C10orf90: variants seen among roughly 807,000 people sequenced by gnomAD.
The protein encoded by C10orf90 is chromosome 10 open reading frame 90, also known as (E2-independent) E3 ubiquitin-conjugating enzyme FATS.
Under a neutral mutation model 62.5 loss-of-function variants are expected in C10orf90, and 56 were observed. That is an observed-to-expected ratio of 0.90 (90% CI 0.72 to 1.12). The LOEUF is 1.12. Ranked by LOEUF, C10orf90 falls within the 50% of genes most tolerant of loss-of-function variation. The pLI, the probability that C10orf90 is intolerant of heterozygous loss-of-function variation, is 0.00. For missense variants in C10orf90, 970 were observed against 880.4 expected, an observed-to-expected ratio of 1.10 and a Z score of -1.29; for synonymous variants, 386 against 340.4, an observed-to-expected ratio of 1.13 and a Z score of -1.47.
chr10:126,546,641 A>G (rs1864498309), intron 2 of C10orf90, among the ~76,000 whole-genome samples: 1 of 152,230 alleles, frequency 6.6e-6, no homozygotes, highest in Admixed American at 6.5e-5. Context: ...CTCACTGCCC[A>G]GCAGCAATGA....
chr10:126,568,537 A>G (rs1438987452), intron 2 of C10orf90, among the ~76,000 whole-genome samples: 1 of 152,186 alleles, frequency 6.6e-6, no homozygotes, highest in Non-Finnish European at 1.5e-5. Flanking sequence ...GTTTAGTCAG[A>G]CACACCCTGA....
intron 2 of C10orf90, among the ~76,000 whole-genome samples, chr10:126,580,512 G>A (rs1487103181): frequency 6.6e-6 from 1 of 152,036 alleles, no homozygotes; most frequent in African/African-American, 2.4e-5. Context: ...AATCAGCCAG[G>A]CGCAGTGGTG....
rs768850163 is a variant in C10orf90, at chr10:126,504,931, T to C, written c.560A>G (p.Asn187Ser). The change falls in exon 4 of 10, where the codon AAC becomes AGC. Residue 187 changes from asparagine (N) to serine (S), a missense_variant. By Grantham distance (46) the Asn-to-Ser change is conservative (BLOSUM62 1). Coordinates refer to ENST00000488181, the MANE Select transcript of C10orf90 (RefSeq NM_001350921.2). The surrounding 1 kb of genome is among the most constrained non-coding windows in gnomAD (Gnocchi z 4.1). ...TCTGTGAATGTTGACTCCGCTGCGG[T>C]TAGCCAGAGATTGCTTGGCGTGATG... ...RAHHAKQSLA[N>S]RSGVNIHRAF... The C allele has an allele frequency of 6.2e-7, 1 of 1,614,220 alleles. No individual in the cohort carries two copies. The highest frequency in any genetic ancestry group is 8.5e-7 in the Non-Finnish European group (1 of 1,180,044).
At chr10:126,591,936 C>T (rs1564884863) in intron 2 of C10orf90, among the ~76,000 whole-genome samples, 1 of 152,032 alleles carries the variant, frequency 6.6e-6, no homozygotes, top group Non-Finnish European at 1.5e-5. Flanking sequence ...CATGAATGAA[C>T]TCCCATTCAC....
intron 3 of C10orf90, 48 bp downstream of exon 3, chr10:126,513,800 G>T: frequency 8.4e-7 from 1 of 1,185,886 alleles, no homozygotes; most frequent in Non-Finnish European, 1.3e-6. Flanking sequence ...ATATTTTATA[G>T]ATGGGTGCAT....
intron 4 of C10orf90, among the ~76,000 whole-genome samples, chr10:126,490,929 T>C (rs1861734275): frequency 6.6e-6 from 1 of 152,004 alleles, no homozygotes; most frequent in Admixed American, 6.6e-5. Context: ...ACATAGAAAA[T>C]CCTAAGGAAT....
intron 2 of C10orf90, among the ~76,000 whole-genome samples, chr10:126,642,193 A>C (rs558399708): frequency 6.6e-6 from 1 of 152,322 alleles, no homozygotes; most frequent in Non-Finnish European, 1.5e-5. Context: ...TCCAAAGATG[A>C]ATCGCTAATT....
At chr10:126,549,042 A>C (rs2133975417) in intron 2 of C10orf90, among the ~76,000 whole-genome samples, 1 of 152,342 alleles carries the variant, frequency 6.6e-6, no homozygotes, top group African/African-American at 2.4e-5. Flanking sequence ...CTTGAATGTA[A>C]AACTATAAAT....
intron 4 of C10orf90, among the ~76,000 whole-genome samples, chr10:126,487,165 A>AAAAG (rs1452030712): frequency 1.4e-5 from 2 of 143,904 alleles, no homozygotes; most frequent in East Asian, 2.0e-4. Context: ...AAAAAAAAAA[A>AAAAG]AAAGAAAGAA....
At chr10:126,630,782 G>A (rs912858333) in intron 2 of C10orf90, among the ~76,000 whole-genome samples, 1 of 152,178 alleles carries the variant, frequency 6.6e-6, no homozygotes, top group Non-Finnish European at 1.5e-5. Flanking sequence ...TTAAGAGGAT[G>A]AAGTGAAATG....
At chr10:126,469,122 G>A (rs375747200) in intron 4 of C10orf90, among the ~76,000 whole-genome samples, 55 of 152,252 alleles carry the variant, frequency 3.6e-4, no homozygotes, top group African/African-American at 1.3e-3. Context: ...CTCAAAGGAA[G>A]AGTAAGAAAA....
chr10:126,479,162 C>G lies in C10orf90; in HGVS notation c.1535-14176G>C, dbSNP rs371849194. On this transcript the variant is annotated intron_variant, in intron 4 of 9. Transcript: ENST00000488181. ...AAGGCCAAGCAGTGAATAAGAATGT[C>G]TGGACCCTTCTATGACAAGTCTGCA... Among the ~76,000 whole-genome samples, 9 of 152,290 alleles carry G rather than the reference C, an allele frequency of 5.9e-5. No homozygotes were observed. In the East Asian group the frequency reaches 1.2e-3, roughly 20 times the overall value.
chr10:126,474,453 T>C (rs1289187365), intron 4 of C10orf90, among the ~76,000 whole-genome samples: 1 of 152,216 alleles, frequency 6.6e-6, no homozygotes, highest in Admixed American at 6.5e-5. Flanking sequence ...CCTGGCTTTC[T>C]TCTTTCCTGT....
chr10:126,457,236 A>C (rs1239765174), intron 7 of C10orf90, among the ~76,000 whole-genome samples: 1 of 152,160 alleles, frequency 6.6e-6, no homozygotes, highest in East Asian at 1.9e-4. Context: ...AGATCCACCC[A>C]TCTTGGCCTC....
intron 4 of C10orf90, among the ~76,000 whole-genome samples, chr10:126,485,871 C>T (rs1240051139): frequency 6.6e-6 from 1 of 151,390 alleles, no homozygotes; most frequent in Non-Finnish European, 1.5e-5. Context: ...GGCATGAACC[C>T]GGGAGGCGGA....
intron 2 of C10orf90, among the ~76,000 whole-genome samples, chr10:126,518,492 A>T (rs767075320): frequency 2.0e-5 from 3 of 152,300 alleles, no homozygotes; most frequent in Admixed American, 6.5e-5. Flanking sequence ...GTCTGTGGGC[A>T]TGGGAATCTC....
chr10:126,440,201 T>G (rs1858214895), intron 7 of C10orf90, among the ~76,000 whole-genome samples: 1 of 152,138 alleles, frequency 6.6e-6, no homozygotes, highest in Non-Finnish European at 1.5e-5. Context: ...ACAGACTTGG[T>G]GCTATTACGG....
chr10:126,656,047 G>A (rs1041171647), intron 1 of C10orf90, among the ~76,000 whole-genome samples: 1 of 152,052 alleles, frequency 6.6e-6, no homozygotes, highest in South Asian at 2.1e-4. Context: ...AGAATTAGGG[G>A]AAGTGATAAC....
chr10:126,455,935 T>C (rs1859540144), intron 7 of C10orf90, among the ~76,000 whole-genome samples: 1 of 152,218 alleles, frequency 6.6e-6, no homozygotes, highest in Non-Finnish European at 1.5e-5. Context: ...TCTCTGGCAT[T>C]GTCAGCTGCC....
Sources: allele counts gnomAD v4.1 joint callset (sites outside exome capture counted in the v4.1 genomes callset), GRCh38; gene constraint gnomAD v4.1.1; non-coding constraint Gnocchi (gnomAD v3.1); transcripts MANE v1.5; gene names NCBI Gene and HGNC (gene_info 2026-07-23, HGNC 2026-07-21).